Variants in GRM5 observed in about 807,000 individuals in gnomAD.
GRM5 encodes the protein glutamate metabotropic receptor 5.
Under a neutral mutation model 83.1 loss-of-function variants are expected in GRM5, and 19 were observed. The observed-to-expected ratio is 0.23, with a 90% CI of 0.16 to 0.34. The LOEUF is 0.34. Among genes scored for constraint, GRM5 ranks in the 10% least tolerant of loss-of-function variants. The pLI, the probability that GRM5 is intolerant of heterozygous loss-of-function variation, is 1.00. For missense variants in GRM5, 1,160 were observed against 1,588.3 expected, an observed-to-expected ratio of 0.73 and a Z score of 4.58; for synonymous variants, 675 against 633.6, an observed-to-expected ratio of 1.07 and a Z score of -0.98.
intron 2 of GRM5, among the ~76,000 whole-genome samples, chr11:88,986,241 C>T (rs758408876): frequency 7.2e-5 from 11 of 152,080 alleles, no homozygotes; most frequent in Non-Finnish European, 1.0e-4. Flanking sequence ...AGTGAAAAAG[C>T]CAAAGGTCAT....
intron 3 of GRM5, among the ~76,000 whole-genome samples, chr11:88,661,824 T>G (rs72956735): frequency 0.056 from 8,521 of 152,204 alleles, 223 homozygotes; most frequent in Middle Eastern, 0.071. Context: ...TACAGGCCTT[T>G]GCAACTGTGC....
intron 3 of GRM5, among the ~76,000 whole-genome samples, chr11:88,848,948 C>T (rs1413568049): frequency 6.6e-6 from 1 of 152,142 alleles, no homozygotes; most frequent in African/African-American, 2.4e-5. Flanking sequence ...AGATGGACAT[C>T]GGTCTTTTTC....
At chr11:88,840,367 T>C (rs547630114) in intron 3 of GRM5, among the ~76,000 whole-genome samples, 1 of 152,308 alleles carries the variant, frequency 6.6e-6, no homozygotes, top group African/African-American at 2.4e-5. Context: ...CTGGCACTGG[T>C]CCAAAAGCAC....
Position 88,977,522 on chromosome 11 carries a change from T to C in GRM5, c.661+69690A>G, listed in dbSNP as rs182439291. ...CAAAGTCTTTAAAAAACTGAGTTCA[T>C]TAACAAAAATAAAGTTCCATTCGGA... is the stretch of plus-strand genomic sequence containing the variant. On this transcript the variant is annotated intron_variant, in intron 2 of 9. Transcript: ENST00000305447. 3.6e-3 allele frequency among the ~76,000 whole-genome samples: 545 copies of C among 152,296 alleles called. 9 individuals are homozygous for C. The highest frequency in any genetic ancestry group is 6.2e-4 in the Non-Finnish European group (42 of 68,028).
At chr11:88,962,084 C>G (rs1475074089) in intron 2 of GRM5, among the ~76,000 whole-genome samples, 1 of 152,140 alleles carries the variant, frequency 6.6e-6, no homozygotes. Flanking sequence ...ATAAGTAGTG[C>G]ATAAAAATCA....
At chr11:88,905,379 T>G (rs947354269) in intron 2 of GRM5, among the ~76,000 whole-genome samples, 1 of 152,226 alleles carries the variant, frequency 6.6e-6, no homozygotes, top group African/African-American at 2.4e-5. Context: ...AGTCTTGCTC[T>G]GTCACCCAGA....
chr11:88,890,126 C>CCCACATCA (rs1339102500), intron 2 of GRM5, among the ~76,000 whole-genome samples: 1 of 151,774 alleles, frequency 6.6e-6, no homozygotes, highest in Non-Finnish European at 1.5e-5. Flanking sequence ...TCCCCACATC[C>CCCACATCA]CCACATCCCC....
chr11:88,868,343 T>A (rs1162511451), intron 2 of GRM5, among the ~76,000 whole-genome samples: 4 of 151,862 alleles, frequency 2.6e-5, no homozygotes, highest in Non-Finnish European at 5.9e-5. Context: ...TTTGGATGTT[T>A]GAGCAAGTTA....
intron 1 of GRM5, among the ~76,000 whole-genome samples, chr11:89,065,506 G>T: frequency 6.6e-6 from 1 of 151,718 alleles, no homozygotes; most frequent in East Asian, 1.9e-4. Flanking sequence ...GAGCGATACC[G>T]CGGTAGCCCA....
intron 3 of GRM5, among the ~76,000 whole-genome samples, chr11:88,775,801 G>C (rs1942834219): frequency 6.6e-6 from 1 of 152,184 alleles, no homozygotes; most frequent in African/African-American, 2.4e-5. Flanking sequence ...TGTGGTCTGA[G>C]AGACAGTTTG....
At chr11:88,632,619 C>T (rs1225715558) in intron 4 of GRM5, among the ~76,000 whole-genome samples, 3 of 152,110 alleles carry the variant, frequency 2.0e-5, no homozygotes, top group Non-Finnish European at 4.4e-5. Flanking sequence ...TATTCTTTCA[C>T]CTGTTGGTGA....
chr11:89,048,566 T>C (rs1011785349), intron 1 of GRM5, among the ~76,000 whole-genome samples: 8 of 152,356 alleles, frequency 5.3e-5, no homozygotes, highest in Admixed American at 1.3e-4. Flanking sequence ...AAAATAAAAT[T>C]ATCTTTTCAA....
chr11:88,736,530 C>G (rs1336867786), intron 3 of GRM5, among the ~76,000 whole-genome samples: 1 of 152,000 alleles, frequency 6.6e-6, no homozygotes, highest in East Asian at 1.9e-4. Flanking sequence ...TTTTCTCAAC[C>G]AACAAATGTC....
intron 9 of GRM5, among the ~76,000 whole-genome samples, chr11:88,524,214 C>CTTTTTTTTTTTTTTTTTTTTT (rs71470770): frequency 9.9e-6 from 1 of 101,406 alleles, no homozygotes; most frequent in Non-Finnish European, 1.9e-5. Context: ...TTCTTTCTTT[C>CTTTTTTTTTTTTTTTTTTTTT]TTTTTTTTTT....
chr11:88,795,624 A>G (rs1402345438), intron 3 of GRM5, among the ~76,000 whole-genome samples: 1 of 152,196 alleles, frequency 6.6e-6, no homozygotes, highest in Non-Finnish European at 1.5e-5. Context: ...ATGAGTGTTC[A>G]AGATATCATG....
intron 3 of GRM5, among the ~76,000 whole-genome samples, chr11:88,718,815 A>G (rs530940261): frequency 7.2e-5 from 11 of 152,138 alleles, no homozygotes; most frequent in African/African-American, 2.4e-4. Context: ...GGCTTAACTC[A>G]TAGTATATAT....
At chr11:88,869,728 TTC>T (rs1346889754) in intron 2 of GRM5, among the ~76,000 whole-genome samples, 2 of 151,534 alleles carry the variant, frequency 1.3e-5, no homozygotes, top group Non-Finnish European at 3.0e-5. Context: ...AATATTTTTA[TTC>T]TCTTCAAAAA....
chr11:88,724,167 T>C (rs1941617198), intron 3 of GRM5, among the ~76,000 whole-genome samples: 1 of 152,206 alleles, frequency 6.6e-6, no homozygotes, highest in African/African-American at 2.4e-5. Flanking sequence ...CTCATCTCTA[T>C]TGGCTGCCTT....
At chr11:88,842,237 G>A (rs1944216999) in intron 3 of GRM5, among the ~76,000 whole-genome samples, 1 of 151,988 alleles carries the variant, frequency 6.6e-6, no homozygotes, top group Non-Finnish European at 1.5e-5. Context: ...CATGGTTTGT[G>A]TGTGAGTTTG....
Sources: allele counts gnomAD v4.1 joint callset (sites outside exome capture counted in the v4.1 genomes callset), GRCh38; gene constraint gnomAD v4.1.1; transcripts MANE v1.5; gene names NCBI Gene and HGNC (gene_info 2026-07-23, HGNC 2026-07-21).